Variants in CCT6B observed in about 807,000 individuals in gnomAD.
CCT6B encodes chaperonin containing TCP1 subunit 6B.
A neutral mutation model predicts 61.5 loss-of-function variants in CCT6B; 49 were observed. That is an observed-to-expected ratio of 0.80 (90% CI 0.63 to 1.01). The LOEUF (loss-of-function observed/expected upper bound fraction) is 1.01, where lower values mean the gene tolerates loss of function less well. Ranked by LOEUF, CCT6B falls within the 50% of genes least tolerant of loss-of-function variation. CCT6B has a pLI of 0.00. For missense variants in CCT6B, 666 were observed against 634.7 expected, an observed-to-expected ratio of 1.05 and a Z score of -0.53; for synonymous variants, 228 against 214.5, an observed-to-expected ratio of 1.06 and a Z score of -0.55.
intron 10 of CCT6B, among the ~76,000 whole-genome samples, chr17:34,937,116 C>A (rs2142143878): frequency 6.6e-6 from 1 of 152,188 alleles, no homozygotes; most frequent in African/African-American, 2.4e-5. Flanking sequence ...CATGATCACA[C>A]CACTGCACTC....
At chr17:34,952,112 G>T in intron 4 of CCT6B, 59 bp from the exon 5 acceptor site, 1 of 1,059,002 alleles carries the variant, frequency 9.4e-7, no homozygotes, top group South Asian at 1.4e-5. Flanking sequence ...TAAACCAAGG[G>T]CCCAAACAAT....
intron 12 of CCT6B, among the ~76,000 whole-genome samples, chr17:34,929,391 C>T (rs900365088): frequency 2.6e-5 from 4 of 152,064 alleles, no homozygotes; most frequent in South Asian, 2.1e-4. Context: ...TTCTCTCTAC[C>T]CTTAATCCCT....
At chr17:34,929,794 G>A (rs997531237) in intron 12 of CCT6B, among the ~76,000 whole-genome samples, 6 of 152,058 alleles carry the variant, frequency 3.9e-5, no homozygotes, top group African/African-American at 4.8e-5. Context: ...GATTACAGGC[G>A]TGAGCCACTG....
intron 2 of CCT6B, among the ~76,000 whole-genome samples, chr17:34,958,936 ATAAGAT>A (rs1325255625): frequency 6.6e-6 from 1 of 152,186 alleles, no homozygotes; most frequent in Non-Finnish European, 1.5e-5. Flanking sequence ...CATTTCTAAA[ATAAGAT>A]TAAATCATTC....
intron 5 of CCT6B, among the ~76,000 whole-genome samples, chr17:34,950,940 A>AAAG (rs545814863): frequency 3.6e-4 from 54 of 151,892 alleles, no homozygotes; most frequent in Admixed American, 1.8e-3. Flanking sequence ...AAAAAAAAAA[A>AAAG]AAGAAGAAGA....
At chr17:34,937,188 G>T (rs2142143998) in intron 10 of CCT6B, among the ~76,000 whole-genome samples, 1 of 151,962 alleles carries the variant, frequency 6.6e-6, no homozygotes, top group African/African-American at 2.4e-5. Flanking sequence ...AATCCCAGCA[G>T]CAGTCTTTTT....
At chr17:34,929,638 C>CA (rs1030129263) in intron 12 of CCT6B, among the ~76,000 whole-genome samples, 5 of 151,832 alleles carry the variant, frequency 3.3e-5, no homozygotes, top group African/African-American at 1.2e-4. Context: ...CTCAGCCTCC[C>CA]AAGTAGCTGG....
At chr17:34,930,886 A>C in intron 12 of CCT6B, 63 bp downstream of exon 12, 1 of 794,904 alleles carries the variant, frequency 1.3e-6, no homozygotes, top group South Asian at 1.6e-5. Context: ...CCTTTACCAT[A>C]AGATCTGGGT....
chr17:34,928,157 C>A, intron 13 of CCT6B, 40 bp from the exon 14 acceptor site: 1 of 1,342,696 alleles, frequency 7.4e-7, no homozygotes, highest in Non-Finnish European at 1.1e-6. Flanking sequence ...GCCTACTAAC[C>A]CACTCTTAGC....
At chr17:34,953,597 T>G (rs1396527494) in intron 4 of CCT6B, among the ~76,000 whole-genome samples, 2 of 152,108 alleles carry the variant, frequency 1.3e-5, no homozygotes, top group Non-Finnish European at 2.9e-5. Context: ...CCTAAAGTGC[T>G]GGGATTACAA....
In CCT6B at chr17:34,943,034, C is replaced by A. The variant is rs969473875; in HGVS notation, c.615-128G>T. ...CATTGTTTCCTTGTACCAATTTTAACAGTTTTTGGTGTTTTTGTTTTTTGT... is the reference window on the plus strand; with the variant it reads ...CATTGTTTCCTTGTACCAATTTTAAAAGTTTTTGGTGTTTTTGTTTTTTGT... On this transcript the variant is annotated intron_variant, in intron 5 of 13. Transcript: ENST00000314144. 3.1e-5 allele frequency: 19 copies of A among 618,700 alleles called. No individual in the cohort carries two copies. In the East Asian group the frequency reaches 5.6e-4, roughly 18 times the overall value. 38.3% of individuals were successfully genotyped at this position (618,700 alleles called of 1,614,324 possible). A position where few individuals can be genotyped will look rare whatever the true frequency, so the allele number is the denominator to read the frequency against.
chr17:34,939,412 A>C (rs12452225), intron 9 of CCT6B, 82 bp from the exon 10 acceptor site: 98,560 of 1,203,644 alleles, frequency 0.082, 4,807 homozygotes, highest in Non-Finnish European at 0.084. Flanking sequence ...TACAATCTTC[A>C]TTTGAATTTT....
intron 3 of CCT6B, among the ~76,000 whole-genome samples, chr17:34,957,905 A>G (rs1258677946): frequency 1.3e-5 from 2 of 152,200 alleles, no homozygotes; most frequent in Non-Finnish European, 2.9e-5. Flanking sequence ...TAAATTCACA[A>G]TAAGTAAAAC....
chr17:34,954,973 A>G (rs2090332427), intron 3 of CCT6B, among the ~76,000 whole-genome samples: 1 of 152,224 alleles, frequency 6.6e-6, no homozygotes, highest in Admixed American at 6.5e-5. Flanking sequence ...CACTTCACCA[A>G]GTGATCAAAG....
At position 34,954,761 on chromosome 17, in the gene CCT6B, AT is replaced by A. The variant is rs1280618544; in HGVS notation, c.337-163del. Among the ~76,000 whole-genome samples the A allele has an allele frequency of 2.0e-5, 3 of 152,384 alleles. No individual in the cohort carries two copies. The East Asian group carries it at 5.8e-4, about 29-fold the overall frequency. On this transcript the variant is annotated intron_variant, in intron 3 of 13. Transcript: ENST00000314144. The stretch of plus-strand genomic sequence containing the variant: ...GTCATTTTAGTGCTTCATACTTGAA[AT>A]AATCTCAACCTTAACAGTAAGGCTT...
At chr17:34,942,993 A>T (rs569572732) in intron 5 of CCT6B, 87 bp from the exon 6 acceptor site, 3 of 734,910 alleles carry the variant, frequency 4.1e-6, no homozygotes, top group Non-Finnish European at 6.7e-6. Context: ...AGTTACATCA[A>T]TACTTCCAGG....
At chr17:34,929,176 G>A in intron 12 of CCT6B, 142 bp from the exon 13 acceptor site, 1 of 610,526 alleles carries the variant, frequency 1.6e-6, no homozygotes, top group East Asian at 2.8e-5. Context: ...AAATCCAATG[G>A]TTGATTCTCA....
rs578166496 is a variant in CCT6B at position 34,952,119 on chromosome 17, C to G, written c.511-66G>C. On this transcript the variant is annotated intron_variant, in intron 4 of 13. Coordinates refer to ENST00000314144, the MANE Select transcript of CCT6B (RefSeq NM_006584.4). ...TACTAAAATAAACCAAGGGCCCAAACAATCTATCACCAGACTAAGGAGATA... is the reference window on the plus strand; with the variant it reads ...TACTAAAATAAACCAAGGGCCCAAAGAATCTATCACCAGACTAAGGAGATA... 1.3e-5 allele frequency: 12 copies of G among 957,558 alleles called. No homozygotes were observed. In the East Asian group the frequency reaches 2.7e-4, roughly 21 times the overall value. 59.3% of individuals were successfully genotyped at this position (957,558 alleles called of 1,614,324 possible).
chr17:34,939,139 A>C, intron 10 of CCT6B, 44 bp downstream of exon 10: 2 of 1,477,972 alleles, frequency 1.4e-6, no homozygotes, highest in Non-Finnish European at 1.9e-6. Context: ...ACATATATAC[A>C]CACATATACA....
Sources: allele counts gnomAD v4.1 joint callset (sites outside exome capture counted in the v4.1 genomes callset), GRCh38; gene constraint gnomAD v4.1.1; transcripts MANE v1.5; gene names NCBI Gene and HGNC (gene_info 2026-07-23, HGNC 2026-07-21).